EXO1: variants seen among roughly 807,000 people sequenced by gnomAD.
The protein encoded by EXO1 is exonuclease 1.
A neutral mutation model predicts 84.5 loss-of-function variants in EXO1; 69 were observed. That is an observed-to-expected ratio of 0.82 (90% confidence interval 0.67 to 1.00). EXO1 has a LOEUF of 1.00. Ranked by LOEUF, EXO1 falls within the 50% of genes least tolerant of loss-of-function variation. The probability of loss-of-function intolerance (pLI) is 0.00; values close to 1 mark genes in which losing one functional copy is unlikely to be tolerated. For missense variants in EXO1, 1,045 were observed against 1,000.7 expected, an observed-to-expected ratio of 1.04 and a Z score of -0.60; for synonymous variants, 373 against 366.1, an observed-to-expected ratio of 1.02 and a Z score of -0.21.
chr1:241,881,023 CTT>C (rs1347616476), intron 13 of EXO1, among the ~76,000 whole-genome samples: 1 of 151,392 alleles, frequency 6.6e-6, no homozygotes, highest in African/African-American at 2.4e-5. Flanking sequence ...TTTTATTGCT[CTT>C]TTGTTTTGTT....
Position 241,889,017 on chromosome 1 carries a change from A to G in EXO1, c.2406-448A>G, listed in dbSNP as rs187617728. On this transcript the variant is annotated intron_variant, in intron 15 of 15. Transcript: ENST00000366548. ...AACCCAGGAGGTGGAGGTTGCAGTG[A>G]GCCAAGATCGTGCCACTGCACTCCA... Among the ~76,000 whole-genome samples, 601 of 152,292 alleles carry G rather than the reference A, an allele frequency of 3.9e-3. 2 individuals carry two copies. Among genetic ancestry groups the G allele is most frequent in the Non-Finnish European group, 6.3e-3 (426 of 68,014 alleles).
chr1:241,878,178 A>G (rs1038962211), intron 12 of EXO1, among the ~76,000 whole-genome samples: 1 of 152,186 alleles, frequency 6.6e-6, no homozygotes, highest in Non-Finnish European at 1.5e-5. Context: ...TTCCAAATAC[A>G]TGTGTATATA....
At chr1:241,850,651 TC>T in intron 4 of EXO1, 65 bp downstream of exon 4, 2 of 1,353,646 alleles carry the variant, frequency 1.5e-6, no homozygotes, top group Non-Finnish European at 1.0e-6. Context: ...CCTTTTTTTC[TC>T]CCCCAGAAAC....
chr1:241,857,062 A>T (rs4149893), intron 6 of EXO1, among the ~76,000 whole-genome samples: 3,898 of 152,250 alleles, frequency 0.026, 167 homozygotes, highest in African/African-American at 0.09. Flanking sequence ...TAAAATGATT[A>T]CTTTTGTAAC....
rs763701284 is a variant in EXO1, at chr1:241,889,647, T to C, written c.*47T>C. Reference sequence around the variant, plus strand: ...TTGCCTGCAAGAGAATCTGATCAATTTGAAGTCCCTGTTTGGGAATGAGGC... The same window carrying C: ...TTGCCTGCAAGAGAATCTGATCAATCTGAAGTCCCTGTTTGGGAATGAGGC... On this transcript the variant is annotated 3_prime_UTR_variant, in exon 16 of 16. Coordinates refer to ENST00000366548, the MANE Select transcript of EXO1 (RefSeq NM_130398.4). The C allele has an allele frequency of 3.3e-5, 53 of 1,599,494 alleles. No homozygotes were observed. The highest frequency in any genetic ancestry group is 4.5e-5 in the Non-Finnish European group (53 of 1,167,152).
intron 11 of EXO1, 84 bp downstream of exon 11, chr1:241,867,139 T>C: frequency 1.1e-6 from 1 of 917,176 alleles, no homozygotes; most frequent in South Asian, 1.4e-5. Flanking sequence ...CGCGAAGATT[T>C]TCTCCTGTTT....
chr1:241,852,148 G>A (rs2148384611), intron 4 of EXO1, 144 bp from the exon 5 acceptor site: 3 of 700,800 alleles, frequency 4.3e-6, no homozygotes, highest in Non-Finnish European at 7.2e-6. Flanking sequence ...GTAAGTTAGA[G>A]TTCCAATTCC....
At chr1:241,876,581 CA>C (rs904965201) in intron 12 of EXO1, among the ~76,000 whole-genome samples, 44 of 151,012 alleles carry the variant, frequency 2.9e-4, no homozygotes, top group Non-Finnish European at 5.6e-4. Context: ...GACTCCATCT[CA>C]AAAAAAATTT....
At position 241,878,785 on chromosome 1, in the gene EXO1, A is replaced by T; in HGVS notation, c.1551A>T (p.Ser517=). Residue 517 remains serine, a synonymous_variant, in exon 13 of 16, where the codon TCA becomes TCT. Transcript: ENST00000366548. ...FCSSDSTDCV[S]NKVSIQPLDE... is the part of the protein sequence containing the mutation. ...GTTCAGATTCTACTGACTGTGTATC[A>T]AACAAAGTGAGCATCCAGCCTCTGG... 6.2e-7 allele frequency: 1 copy of T among 1,613,832 alleles called. No homozygotes were observed. Among genetic ancestry groups the T allele is most frequent in the Non-Finnish European group, 8.5e-7 (1 of 1,179,866 alleles).
chr1:241,871,929 TA>T (rs1274577382), intron 11 of EXO1, 102 bp from the exon 12 acceptor site: 20 of 759,146 alleles, frequency 2.6e-5, no homozygotes, highest in Non-Finnish European at 3.0e-5. Context: ...TTTTTTTTTT[TA>T]AAGTCCTTAT....
rs192018075 is a variant in EXO1, at chr1:241,857,618, C to T, written c.543+136C>T. The T allele has an allele frequency of 4.9e-3, 1,419 of 288,952 alleles. 4 individuals are homozygous for T. The highest frequency in any genetic ancestry group is 5.9e-3 in the Non-Finnish European group (996 of 169,130). 17.9% of individuals were successfully genotyped at this position (288,952 alleles called of 1,614,324 possible). Reference sequence around the variant, plus strand: ...AATTTATAATATTTATAAAATATTACAAGGTAAATTATTGTATTTAATAGA... The same window carrying T: ...AATTTATAATATTTATAAAATATTATAAGGTAAATTATTGTATTTAATAGA... On this transcript the variant is annotated intron_variant, in intron 7 of 15. Transcript: ENST00000366548.
At chr1:241,875,196 G>A (rs1558139802) in intron 12 of EXO1, among the ~76,000 whole-genome samples, 1 of 152,124 alleles carries the variant, frequency 6.6e-6, no homozygotes, top group Admixed American at 6.6e-5. Flanking sequence ...AAGAAATGGG[G>A]TTTCACCATT....
rs552227328 is a variant in EXO1 at position 241,849,348 on chromosome 1, G to T, written c.-18+132G>T. ...CATTACTGACTTTTTATTGTAGAGT[G>T]GGGGGAGGTCGTTTCATCAGAAAGG... is the stretch of plus-strand genomic sequence containing the variant. On this transcript the variant is annotated intron_variant, in intron 3 of 15. Transcript: ENST00000366548. 5 of 152,360 alleles carry T rather than the reference G, an allele frequency of 3.3e-5. No individual in the cohort carries two copies. The South Asian group carries it at 6.2e-4, about 19-fold the overall frequency. 9.4% of individuals were successfully genotyped at this position (152,360 alleles called of 1,614,324 possible). A position where few individuals can be genotyped will look rare whatever the true frequency, so the allele number is the denominator to read the frequency against.
intron 13 of EXO1, 100 bp downstream of exon 13, chr1:241,879,443 C>G (rs1220575919): frequency 2.0e-5 from 14 of 695,624 alleles, no homozygotes; most frequent in Admixed American, 7.9e-5. Flanking sequence ...GAATGACGAG[C>G]TATATTATTT....
chr1:241,885,196 G>C (rs970725435), intron 14 of EXO1, 118 bp from the exon 15 acceptor site: 5 of 408,464 alleles, frequency 1.2e-5, no homozygotes, highest in African/African-American at 1.2e-4. Flanking sequence ...GACAGAGTGA[G>C]AGTCCATCTC....
intron 9 of EXO1, among the ~76,000 whole-genome samples, chr1:241,861,027 T>C (rs1661353422): frequency 6.6e-6 from 1 of 152,208 alleles, no homozygotes; most frequent in East Asian, 1.9e-4. Flanking sequence ...AAGCTCGACT[T>C]ATCAGGAAGA....
chr1:241,876,849 G>T (rs1362143419), intron 12 of EXO1, among the ~76,000 whole-genome samples: 2 of 152,046 alleles, frequency 1.3e-5, no homozygotes, highest in Non-Finnish European at 2.9e-5. Context: ...AATAGGCCTG[G>T]ATTTGAATTC....
intron 11 of EXO1, 103 bp from the exon 12 acceptor site, chr1:241,871,929 T>TTTA: frequency 2.6e-6 from 2 of 759,272 alleles, no homozygotes; most frequent in Non-Finnish European, 2.1e-6. Flanking sequence ...TTTTTTTTTT[T>TTTA]AAAGTCCTTA....
chr1:241,854,299 G>A (rs1482291727), intron 6 of EXO1, among the ~76,000 whole-genome samples: 14 of 152,052 alleles, frequency 9.2e-5, no homozygotes, highest in African/African-American at 2.9e-4. Context: ...CACCACGCCC[G>A]GCTACTTTTG....
Sources: gnomAD v4.1 joint callset for allele counts (sites outside exome capture counted in the v4.1 genomes callset) on GRCh38, gnomAD v4.1.1 for gene constraint, MANE v1.5 for transcripts, NCBI Gene and HGNC (gene_info 2026-07-23, HGNC 2026-07-21) for gene names.